Variants in MAD1L1 observed in about 807,000 individuals in gnomAD.
The protein encoded by MAD1L1 is mitotic arrest deficient 1 like 1.
Under a neutral mutation model 96.9 loss-of-function variants are expected in MAD1L1, and 95 were observed. That is an observed-to-expected ratio of 0.98 (90% CI 0.83 to 1.16). MAD1L1 has a LOEUF of 1.16. Ranked by LOEUF, MAD1L1 falls within the 50% of genes most tolerant of loss-of-function variation. The pLI, the probability that MAD1L1 is intolerant of heterozygous loss-of-function variation, is 0.00. For missense variants in MAD1L1, 1,007 were observed against 954.4 expected, an observed-to-expected ratio of 1.06 and a Z score of -0.73; for synonymous variants, 473 against 396.6, an observed-to-expected ratio of 1.19 and a Z score of -2.29.
At chr7:1,935,183 A>C (rs542365603) in intron 17 of MAD1L1, among the ~76,000 whole-genome samples, 1 of 152,378 alleles carries the variant, frequency 6.6e-6, no homozygotes, top group East Asian at 1.9e-4. Flanking sequence ...ATATGGCTCC[A>C]AGTCTGCATC....
intron 11 of MAD1L1, among the ~76,000 whole-genome samples, chr7:2,148,064 G>A (rs938781469): frequency 2.0e-5 from 3 of 152,252 alleles, no homozygotes; most frequent in South Asian, 2.1e-4. Context: ...CAGCGGCTTT[G>A]AAAGCAAAAG....
At chr7:1,886,293 T>C (rs1786021874) in intron 18 of MAD1L1, among the ~76,000 whole-genome samples, 1 of 152,322 alleles carries the variant, frequency 6.6e-6, no homozygotes, top group South Asian at 2.1e-4. Context: ...CGGGAGATGG[T>C]GGGCTGGCAG....
intron 1 of MAD1L1, among the ~76,000 whole-genome samples, chr7:2,232,278 A>G (rs1291001055): frequency 6.6e-6 from 1 of 152,246 alleles, no homozygotes; most frequent in African/African-American, 2.4e-5. Flanking sequence ...TGAGCTCCCC[A>G]GGCTGCCAGC....
intron 14 of MAD1L1, among the ~76,000 whole-genome samples, chr7:2,001,843 G>T (rs571981582): frequency 4.3e-4 from 65 of 152,336 alleles, no homozygotes; most frequent in African/African-American, 1.4e-3. Flanking sequence ...ACGGTGGTGG[G>T]GCCCGAGGGG....
chr7:1,867,426 G>A (rs1162362131), intron 18 of MAD1L1, among the ~76,000 whole-genome samples: 13 of 152,362 alleles, frequency 8.5e-5, no homozygotes, highest in Admixed American at 4.6e-4. Flanking sequence ...TGGATGAGGC[G>A]GTGGCAGCAG....
intron 18 of MAD1L1, among the ~76,000 whole-genome samples, chr7:1,819,721 G>A (rs1239299156): frequency 1.3e-5 from 2 of 152,138 alleles, no homozygotes; most frequent in African/African-American, 2.4e-5. Flanking sequence ...AGGGGTGGGG[G>A]CTGACAAAGG....
At chr7:1,965,649 C>T (rs1041283039) in intron 15 of MAD1L1, among the ~76,000 whole-genome samples, 19 of 152,276 alleles carry the variant, frequency 1.2e-4, no homozygotes, top group Non-Finnish European at 2.5e-4. Context: ...CTCTGCTCTT[C>T]GCACACTACC....
At chr7:1,938,234 G>A (rs113137564) in intron 16 of MAD1L1, among the ~76,000 whole-genome samples, 19 of 145,052 alleles carry the variant, frequency 1.3e-4, no homozygotes, top group African/African-American at 4.1e-4. Flanking sequence ...CTGCGCACCC[G>A]AGACCCCGAC....
At chr7:1,820,669 G>T (rs1782075259) in intron 18 of MAD1L1, among the ~76,000 whole-genome samples, 2 of 152,074 alleles carry the variant, frequency 1.3e-5, no homozygotes, top group Non-Finnish European at 2.9e-5. Flanking sequence ...CGTGGGCCTA[G>T]GAGTTTGAGG....
Position 2,020,152 on chromosome 7 carries a change from C to T in MAD1L1, c.1219-5510G>A, listed in dbSNP as rs540441609. Among the ~76,000 whole-genome samples, 3 of 152,224 alleles carry T rather than the reference C, an allele frequency of 2.0e-5. No individual in the cohort carries two copies. In the South Asian group the frequency reaches 6.2e-4, roughly 32 times the overall value. On this transcript the variant is annotated intron_variant, in intron 12 of 18. Transcript: ENST00000265854. Reference sequence around the variant, plus strand: ...GCTGGTGCTGCAAACAGAGGAGCCGCCCAGGCTGCGGCCCTACAGTCCCGG... The same window carrying T: ...GCTGGTGCTGCAAACAGAGGAGCCGTCCAGGCTGCGGCCCTACAGTCCCGG...
rs3076522 is a variant in MAD1L1 at position 2,116,567 on chromosome 7, TGGG to T, written c.1073+32582_1073+32584del. On this transcript the variant is annotated intron_variant, in intron 11 of 18. Transcript: ENST00000265854. ...ACCCACACGTGGCAGGCCAGAGGGT[TGGG>T]GGGGGGGGGGGCTCCTGTGTGTACA... 4.3e-3 allele frequency among the ~76,000 whole-genome samples: 155 copies of T among 35,888 alleles called. 6 individuals are homozygous for T. The highest frequency in any genetic ancestry group is 0.011 in the African/African-American group (147 of 13,226). 23.5% of individuals were successfully genotyped at this position (35,888 alleles called of 152,430 possible).
At position 1,942,008 on chromosome 7, in the gene MAD1L1, C is replaced by T. The variant is rs532611919; in HGVS notation, c.1597-5111G>A. ...AGCACGGGAGGGGCAGACTGGGCAC[C>T]ACCCACCCGCTCACGTCCCCACCGT... On this transcript the variant is annotated intron_variant, in intron 16 of 18. Transcript: ENST00000265854. 2.6e-5 allele frequency among the ~76,000 whole-genome samples: 4 copies of T among 152,328 alleles called. No individual in the cohort carries two copies. In the South Asian group the frequency reaches 6.2e-4, roughly 24 times the overall value.
intron 18 of MAD1L1, among the ~76,000 whole-genome samples, chr7:1,826,668 C>G: frequency 6.6e-6 from 1 of 152,282 alleles, no homozygotes. Flanking sequence ...GCGCTGAGGG[C>G]CTGGCGGCAA....
intron 18 of MAD1L1, among the ~76,000 whole-genome samples, chr7:1,819,248 T>C (rs1471842818): frequency 1.3e-5 from 2 of 152,184 alleles, no homozygotes; most frequent in African/African-American, 2.4e-5. Context: ...ACACGTTGGC[T>C]GTGGCTGGAA....
chr7:1,856,460 G>A (rs1021251046), intron 18 of MAD1L1, among the ~76,000 whole-genome samples: 7 of 152,346 alleles, frequency 4.6e-5, no homozygotes, highest in Admixed American at 2.0e-4. Context: ...ACCAGCGCGC[G>A]GAGCACCGCC....
intron 18 of MAD1L1, among the ~76,000 whole-genome samples, chr7:1,877,930 C>T (rs554998512): frequency 3.3e-5 from 5 of 151,886 alleles, no homozygotes; most frequent in East Asian, 1.9e-4. Flanking sequence ...ATAAAAAAAT[C>T]GATAAAACTT....
chr7:1,958,358 T>A (rs1197500228), intron 15 of MAD1L1, among the ~76,000 whole-genome samples: 1 of 152,232 alleles, frequency 6.6e-6, no homozygotes, highest in Non-Finnish European at 1.5e-5. Flanking sequence ...TTTGTCTTCA[T>A]TTCTAGATCT....
At chr7:2,006,442 C>A (rs1182472109) in intron 13 of MAD1L1, among the ~76,000 whole-genome samples, 1 of 152,138 alleles carries the variant, frequency 6.6e-6, no homozygotes, top group Non-Finnish European at 1.5e-5. Context: ...AGAGTCCCAG[C>A]ACCGAGGAGC....
intron 18 of MAD1L1, among the ~76,000 whole-genome samples, chr7:1,834,448 G>A (rs1782849789): frequency 6.6e-6 from 1 of 152,212 alleles, no homozygotes; most frequent in South Asian, 2.1e-4. Context: ...AGGGATGATA[G>A]CACTACAGAT....
Sources: allele counts gnomAD v4.1 joint callset (sites outside exome capture counted in the v4.1 genomes callset), GRCh38; gene constraint gnomAD v4.1.1; transcripts MANE v1.5; gene names NCBI Gene and HGNC (gene_info 2026-07-23, HGNC 2026-07-21).